Variants in SYNE1 observed in about 807,000 individuals in gnomAD.
The protein encoded by SYNE1 is nesprin-1.
Under a neutral mutation model 1,111.0 loss-of-function variants are expected in SYNE1, and 616 were observed. That is an observed-to-expected ratio of 0.55 (90% CI 0.52 to 0.59). The LOEUF is 0.59. Ranked by LOEUF, SYNE1 falls within the 20% of genes least tolerant of loss-of-function variation. SYNE1 has a pLI of 0.00. For synonymous variants in SYNE1, 3,855 were observed against 3,825.8 expected (o/e 1.01, Z -0.28); for missense variants, 10,006 against 10,417.0 (o/e 0.96, Z 1.72).
At chr6:152,623,719 CTT>C (rs2128934279) in intron 3 of SYNE1, among the ~76,000 whole-genome samples, 1 of 152,158 alleles carries the variant, frequency 6.6e-6, no homozygotes, top group South Asian at 2.1e-4. Flanking sequence ...TGAACAGACA[CTT>C]TGCAAAAGAA....
chr6:152,234,091 A>C, intron 111 of SYNE1, 128 bp from the exon 112 acceptor site: 1 of 997,390 alleles, frequency 1.0e-6, no homozygotes, highest in South Asian at 1.4e-5. Context: ...AACACTCAAA[A>C]GAAAATGAAA....
intron 6 of SYNE1, among the ~76,000 whole-genome samples, chr6:152,515,355 A>T (rs2099106356): frequency 6.6e-6 from 1 of 152,202 alleles, no homozygotes; most frequent in African/African-American, 2.4e-5. Flanking sequence ...GAATAAATCC[A>T]TTACTGCTTT....
chr6:152,598,021 G>A (rs192702556), intron 3 of SYNE1, among the ~76,000 whole-genome samples: 21 of 152,148 alleles, frequency 1.4e-4, no homozygotes, highest in Admixed American at 9.2e-4. Flanking sequence ...ACATTTAAAC[G>A]AGGTAAGAAA....
intron 93 of SYNE1, among the ~76,000 whole-genome samples, chr6:152,298,908 C>T (rs1260966374): frequency 6.6e-6 from 1 of 152,128 alleles, no homozygotes; most frequent in Non-Finnish European, 1.5e-5. Flanking sequence ...TAAGTAAAGG[C>T]ATTTTCCCCT....
chr6:152,141,031 C>T (rs2058428818), intron 139 of SYNE1, among the ~76,000 whole-genome samples, 172 bp downstream of exon 139: 1 of 132,588 alleles, frequency 7.5e-6, no homozygotes, highest in African/African-American at 3.2e-5. Flanking sequence ...CGCCACTCCG[C>T]CTCAAAAAAC....
chr6:152,377,330 C>A (rs1939519341), intron 56 of SYNE1, among the ~76,000 whole-genome samples: 1 of 151,512 alleles, frequency 6.6e-6, no homozygotes, highest in South Asian at 2.1e-4. Flanking sequence ...ATATTAAGGG[C>A]CGGGTGTGGT....
chr6:152,345,425 C>T (rs529608774), intron 73 of SYNE1, among the ~76,000 whole-genome samples: 79 of 152,104 alleles, frequency 5.2e-4, no homozygotes, highest in African/African-American at 6.0e-4. Context: ...TCTTGTAGTC[C>T]TCTTTTGTTA....
chr6:152,374,643 G>A (rs940211608), intron 58 of SYNE1, among the ~76,000 whole-genome samples: 19 of 152,092 alleles, frequency 1.2e-4, no homozygotes, highest in African/African-American at 3.4e-4. Flanking sequence ...GCGTGTTGAC[G>A]CATGTCTGTA....
chr6:152,571,482 C>T (rs1405213648), intron 3 of SYNE1, among the ~76,000 whole-genome samples: 1 of 152,108 alleles, frequency 6.6e-6, no homozygotes, highest in East Asian at 1.9e-4. Flanking sequence ...AGCTACACAC[C>T]TACAATCCTT....
rs1250728512 is a variant in SYNE1, at chr6:152,403,075, C to T, written c.6825+1138G>A. Among the ~76,000 whole-genome samples the T allele has an allele frequency of 1.3e-5, 2 of 151,926 alleles. 1 individual carries two copies. Among genetic ancestry groups the T allele is most frequent in the Admixed American group, 1.3e-4 (2 of 15,258 alleles). ...TGATCAACTAGATTGATTGCTTAGC[C>T]CAAAGTAGCAAATCAAAGAGAAAGC... On this transcript the variant is annotated intron_variant, in intron 46 of 145. Transcript: ENST00000367255.
intron 66 of SYNE1, among the ~76,000 whole-genome samples, chr6:152,356,812 A>G (rs911842225): frequency 6.6e-6 from 1 of 152,122 alleles, no homozygotes; most frequent in African/African-American, 2.4e-5. Context: ...TGGTGAAATC[A>G]GGGGGAGGTT....
rs988770583 is a variant in SYNE1 at position 152,430,637 on chromosome 6, G to A, written c.4534C>T (p.Gln1512Ter). The A allele has an allele frequency of 6.2e-7, 1 of 1,614,112 alleles. No individual in the cohort carries two copies. Among genetic ancestry groups the A allele is most frequent in the Non-Finnish European group, 8.5e-7 (1 of 1,180,010 alleles). Reference sequence around the variant, plus strand: ...GCAGATTCTCCAGTGGTAACAAACTGAGCAAAAGACTGGGCTTCTTCTTCT... The same window carrying A: ...GCAGATTCTCCAGTGGTAACAAACTAAGCAAAAGACTGGGCTTCTTCTTCT... ...GLEEEAQSFA[Q>*]FVTTGESARI... The change falls in exon 35 of 146, where the codon CAG (glutamine) becomes TAG (stop). Residue 1512 changes from glutamine (Q) to a stop codon, truncating the protein, a stop_gained. Coordinates refer to ENST00000367255, the MANE Select transcript of SYNE1 (RefSeq NM_182961.4). LOFTEE classifies it high-confidence loss of function.
rs1487691696 is a variant in SYNE1 at position 152,401,302 on chromosome 6, T to C, written c.6865A>G (p.Lys2289Glu). The C allele has an allele frequency of 1.9e-6, 3 of 1,613,926 alleles. No individual in the cohort carries two copies. Among genetic ancestry groups the C allele is most frequent in the Non-Finnish European group, 2.5e-6 (3 of 1,180,024 alleles). Residue 2289 changes from lysine to glutamate, a missense_variant, in exon 47 of 146, where the codon AAA becomes GAA. Coordinates refer to ENST00000367255, the MANE Select transcript of SYNE1 (RefSeq NM_182961.4). ...ADLMQKLEHA[K>E]EITEVAKGTL... ...CCTTTTGCTACTTCAGTTATTTCTT[T>C]GGCATGCTCCAGTTTCTGCATTAAG... is the stretch of plus-strand genomic sequence containing the variant.
chr6:152,350,909 T>A lies in SYNE1; in HGVS notation c.11581-139A>T, dbSNP rs564182930. The A allele has an allele frequency of 9.0e-6, 9 of 999,442 alleles. 1 individual carries two copies. The Middle Eastern group carries it at 9.8e-4, about 108-fold the overall frequency. The allele number at this position is 999,442 out of a possible 1,614,324, so 61.9% of individuals were successfully genotyped here. A position where few individuals can be genotyped will look rare whatever the true frequency, so the allele number is the denominator to read the frequency against. On this transcript the variant is annotated intron_variant, in intron 70 of 145. Transcript: ENST00000367255. ...TTTATGAAGCAATAGGTGCAAGACA[T>A]TAAAGAGAGAGTGATTTATTAAGAC...
At chr6:152,267,251 G>C in intron 100 of SYNE1, among the ~76,000 whole-genome samples, 1 of 152,040 alleles carries the variant, frequency 6.6e-6, no homozygotes. Flanking sequence ...TTTGCCAAAG[G>C]ATACTACCAA....
At chr6:152,478,360 T>C (rs903052103) in intron 14 of SYNE1, among the ~76,000 whole-genome samples, 11 of 152,096 alleles carry the variant, frequency 7.2e-5, no homozygotes, top group African/African-American at 2.4e-4. Flanking sequence ...AAAGATGAGT[T>C]AATGGCAGCA....
Position 152,250,959 on chromosome 6 carries a change from T to C in SYNE1, c.19471-1697A>G, listed in dbSNP as rs144144808. Among the ~76,000 whole-genome samples, 428 of 152,248 alleles carry C rather than the reference T, an allele frequency of 2.8e-3. 1 individual carries two copies. Among genetic ancestry groups the C allele is most frequent in the Admixed American group, 5.3e-3 (81 of 15,288 alleles). ...TATGCCAGTTTTATGCTTTGTTTTG[T>C]TTTGTTTTGAGACAGAGTCTTGCTC... is the stretch of plus-strand genomic sequence containing the variant. On this transcript the variant is annotated intron_variant, in intron 104 of 145. Coordinates refer to ENST00000367255, the MANE Select transcript of SYNE1 (RefSeq NM_182961.4).
At chr6:152,224,285 G>A (rs1393949479) in intron 117 of SYNE1, among the ~76,000 whole-genome samples, 1 of 152,154 alleles carries the variant, frequency 6.6e-6, no homozygotes, top group Non-Finnish European at 1.5e-5. Context: ...AAACCATTTA[G>A]TTATATACCA....
chr6:152,535,597 T>C (rs2099231058), intron 4 of SYNE1, among the ~76,000 whole-genome samples: 2 of 152,182 alleles, frequency 1.3e-5, no homozygotes, highest in Non-Finnish European at 1.5e-5. Flanking sequence ...TCAAATATCA[T>C]AAGATTGAAT....
Sources: gnomAD v4.1 joint callset for allele counts (sites outside exome capture counted in the v4.1 genomes callset) on GRCh38, gnomAD v4.1.1 for gene constraint, MANE v1.5 for transcripts, NCBI Gene and HGNC (gene_info 2026-07-23, HGNC 2026-07-21) for gene names.